CDC42BPA: variants seen among roughly 807,000 people sequenced by gnomAD.
CDC42BPA encodes CDC42 binding protein kinase alpha.
Under a neutral mutation model 223.5 loss-of-function variants are expected in CDC42BPA, and 80 were observed. That is an observed-to-expected ratio of 0.36 (90% CI 0.30 to 0.43). The LOEUF (loss-of-function observed/expected upper bound fraction) is 0.43, where lower values mean the gene tolerates loss of function less well. Ranked by LOEUF, CDC42BPA falls within the 20% of genes least tolerant of loss-of-function variation. The pLI, the probability that CDC42BPA is intolerant of heterozygous loss-of-function variation, is 1.00. For synonymous variants in CDC42BPA, 694 were observed against 718.6 expected (o/e 0.97, Z 0.55); for missense variants, 1,743 against 2,099.9 (o/e 0.83, Z 3.32).
At chr1:227,228,677 A>G (rs1374663146) in intron 2 of CDC42BPA, among the ~76,000 whole-genome samples, 1 of 152,090 alleles carries the variant, frequency 6.6e-6, no homozygotes, top group Non-Finnish European at 1.5e-5. Flanking sequence ...ATTTCCCTAT[A>G]TCTTCATCAA....
At chr1:227,178,127 G>A (rs889441415) in intron 5 of CDC42BPA, among the ~76,000 whole-genome samples, 4 of 152,050 alleles carry the variant, frequency 2.6e-5, no homozygotes, top group South Asian at 2.1e-4. Context: ...ATTCTCATAC[G>A]TGGATCATCT....
In CDC42BPA at chr1:227,129,224, T is replaced by C. The variant is rs1043326887; in HGVS notation, c.1398A>G (p.Thr466=). The C allele has an allele frequency of 6.4e-7, 1 of 1,566,590 alleles. No homozygotes were observed. The highest frequency in any genetic ancestry group is 8.6e-7 in the Non-Finnish European group (1 of 1,161,778). ...LELSRKLQES[T]QTVQALQYST... is the part of the protein sequence containing the mutation. The stretch of plus-strand genomic sequence containing the variant: ...AATACTGCAGAGCTTGGACAGTCTG[T>C]GTTGACTCTTTAAAAAAAAGGATAA... The change falls in exon 11 of 37, where the codon ACA becomes ACG. Residue 466 remains threonine, a synonymous_variant. Coordinates refer to ENST00000366766, the MANE Select transcript of CDC42BPA (RefSeq NM_001394014.1).
At chr1:227,180,818 T>C (rs574583990) in intron 5 of CDC42BPA, among the ~76,000 whole-genome samples, 1 of 152,314 alleles carries the variant, frequency 6.6e-6, no homozygotes, top group Non-Finnish European at 1.5e-5. Flanking sequence ...GGATTCTGTG[T>C]CTTAAATCAT....
intron 2 of CDC42BPA, among the ~76,000 whole-genome samples, chr1:227,225,601 GAAC>G (rs1388736968): frequency 6.6e-6 from 1 of 152,068 alleles, no homozygotes; most frequent in Non-Finnish European, 1.5e-5. Context: ...CTCCCCATTA[GAAC>G]AATAAAAGTA....
At chr1:227,054,678 G>A (rs1008996765) in intron 21 of CDC42BPA, among the ~76,000 whole-genome samples, 1 of 152,086 alleles carries the variant, frequency 6.6e-6, no homozygotes, top group Admixed American at 6.5e-5. Context: ...TGGCTCCTCT[G>A]TCAAGTCTTA....
intron 2 of CDC42BPA, among the ~76,000 whole-genome samples, chr1:227,241,416 A>T (rs1679991114): frequency 6.6e-6 from 1 of 152,114 alleles, no homozygotes; most frequent in Non-Finnish European, 1.5e-5. Flanking sequence ...CTTTATTTCT[A>T]ATAGCCAAAA....
Position 227,100,167 on chromosome 1 carries a change from T to C in CDC42BPA, c.2249+825A>G, listed in dbSNP as rs1684751987. 2.6e-5 allele frequency among the ~76,000 whole-genome samples: 4 copies of C among 152,098 alleles called. No homozygotes were observed. The South Asian group carries it at 8.3e-4, about 32-fold the overall frequency. ...TTTCTCACAGCTGCTTATTACGTTC[T>C]CCAGGTTCTATCTTCTTAGTAGATG... is the stretch of plus-strand genomic sequence containing the variant. On this transcript the variant is annotated intron_variant, in intron 15 of 36. Transcript: ENST00000366766.
At chr1:227,117,366 GAGTGC>G (rs1419458170) in intron 12 of CDC42BPA, among the ~76,000 whole-genome samples, 1 of 152,072 alleles carries the variant, frequency 6.6e-6, no homozygotes, top group Non-Finnish European at 1.5e-5. Context: ...GATCAGGCTG[GAGTGC>G]AGTGACATGA....
intron 11 of CDC42BPA, 77 bp from the exon 12 acceptor site, chr1:227,120,014 T>A: frequency 8.3e-7 from 1 of 1,207,964 alleles, no homozygotes; most frequent in South Asian, 1.6e-5. Flanking sequence ...ACAACTAAAA[T>A]TTTTTTTAAA....
chr1:227,025,551 G>A (rs371930103), intron 31 of CDC42BPA, among the ~76,000 whole-genome samples: 1 of 152,000 alleles, frequency 6.6e-6, no homozygotes, highest in South Asian at 2.1e-4. Flanking sequence ...TCTTTGTTAT[G>A]GAAACAGGAT....
Position 227,193,887 on chromosome 1 carries a change from G to T in CDC42BPA, c.498C>A (p.Leu166=). 6.2e-7 allele frequency: 1 copy of T among 1,612,674 alleles called. No homozygotes were observed. The highest frequency in any genetic ancestry group is 1.1e-5 in the South Asian group (1 of 90,920). The part of the protein sequence containing the change: ...YYVGGDLLTL[L]SKFEDRLPED... Reference sequence around the variant, plus strand: ...CAGGCAATCTATCTTCAAATTTGCTGAGTAGAGTAAGCAAATCCCCACCAA... The same window carrying T: ...CAGGCAATCTATCTTCAAATTTGCTTAGTAGAGTAAGCAAATCCCCACCAA... Residue 166 remains leucine (L), a synonymous_variant, in exon 5 of 37, where the codon CTC becomes CTA. Transcript: ENST00000366766.
At chr1:227,037,827 A>G (rs1157023555) in intron 24 of CDC42BPA, among the ~76,000 whole-genome samples, 2 of 152,236 alleles carry the variant, frequency 1.3e-5, no homozygotes, top group African/African-American at 4.8e-5. Flanking sequence ...TTTGCACCAA[A>G]ATAAATGCAT....
At chr1:227,314,017 TTAAG>T (rs955824504) in intron 1 of CDC42BPA, among the ~76,000 whole-genome samples, 30 of 152,208 alleles carry the variant, frequency 2.0e-4, no homozygotes, top group African/African-American at 5.8e-4. Context: ...CTTACATTTA[TTAAG>T]TAAATTGGTA....
At chr1:227,048,747 T>C (rs1277542619) in intron 22 of CDC42BPA, among the ~76,000 whole-genome samples, 1 of 65,034 alleles carries the variant, frequency 1.5e-5, no homozygotes, top group Non-Finnish European at 3.0e-5. Context: ...ATCAGCAAAG[T>C]AGTGAGAAAA....
intron 2 of CDC42BPA, among the ~76,000 whole-genome samples, chr1:227,247,239 T>C (rs1431064198): frequency 6.6e-6 from 1 of 150,812 alleles, no homozygotes; most frequent in African/African-American, 2.4e-5. Flanking sequence ...GGCTCATGCC[T>C]GTAATCCCAG....
chr1:227,097,833 G>C (rs146475849), intron 15 of CDC42BPA, among the ~76,000 whole-genome samples: 1 of 152,316 alleles, frequency 6.6e-6, no homozygotes, highest in African/African-American at 2.4e-5. Context: ...CACTGTGCAT[G>C]TGGACAGCCC....
intron 1 of CDC42BPA, among the ~76,000 whole-genome samples, chr1:227,301,857 A>T (rs1485509178): frequency 6.6e-6 from 1 of 152,096 alleles, no homozygotes; most frequent in Non-Finnish European, 1.5e-5. Context: ...AATTTTAGTT[A>T]GATAAATATT....
intron 2 of CDC42BPA, among the ~76,000 whole-genome samples, chr1:227,240,469 A>C (rs1679826617): frequency 6.6e-6 from 1 of 152,076 alleles, no homozygotes; most frequent in Admixed American, 6.6e-5. Context: ...GAAAAAGAAC[A>C]AAGTAGGACT....
chr1:227,035,479 G>GA lies in CDC42BPA; in HGVS notation c.3327dup (p.His1110SerfsTer6), dbSNP rs1380160929. On this transcript the variant is annotated frameshift_variant, in exon 25 of 37. Transcript: ENST00000366766. LOFTEE classifies it high-confidence loss of function. ...AACTTAATCATACTTACCCTGACAT[G>GA]ACCTTCATATGCTGTTCCTATTCCT... The GA allele has an allele frequency of 6.2e-7, 1 of 1,606,448 alleles. No individual in the cohort carries two copies. The highest frequency in any genetic ancestry group is 8.5e-7 in the Non-Finnish European group (1 of 1,177,566).
Sources: gnomAD v4.1 joint callset for allele counts (sites outside exome capture counted in the v4.1 genomes callset) on GRCh38, gnomAD v4.1.1 for gene constraint, MANE v1.5 for transcripts, NCBI Gene and HGNC (gene_info 2026-07-23, HGNC 2026-07-21) for gene names.